The following CNNM4 variants were observed in gnomAD, a reference collection of about 807,000 sequenced individuals.
CNNM4 encodes cyclin and CBS domain divalent metal cation transport mediator 4.
Under a neutral mutation model 53.7 loss-of-function variants are expected in CNNM4, and 32 were observed. The observed-to-expected ratio is 0.60, with a 90% CI of 0.45 to 0.80. The LOEUF (loss-of-function observed/expected upper bound fraction) is 0.80. Ranked by LOEUF, CNNM4 falls within the 30% of genes least tolerant of loss-of-function variation. CNNM4 has a pLI of 0.00. For synonymous variants in CNNM4, 410 were observed against 440.0 expected (o/e 0.93, Z 0.85); for missense variants, 784 against 1,022.0 (o/e 0.77, Z 3.17).
intron 1 of CNNM4, among the ~76,000 whole-genome samples, chr2:96,791,012 C>T (rs1353855048): frequency 1.3e-5 from 2 of 150,436 alleles, no homozygotes; most frequent in Non-Finnish European, 2.9e-5. Flanking sequence ...CCCAGCTACT[C>T]GGGAGGCTGA....
chr2:96,769,191 C>T (rs889721625), intron 1 of CNNM4, among the ~76,000 whole-genome samples: 2 of 151,242 alleles, frequency 1.3e-5, no homozygotes, highest in Admixed American at 1.3e-4. Flanking sequence ...GTGGAGCTTG[C>T]AGTGAGCCGA....
intron 1 of CNNM4, among the ~76,000 whole-genome samples, chr2:96,776,218 C>T (rs962317261): frequency 5.3e-5 from 8 of 151,342 alleles, no homozygotes; most frequent in Non-Finnish European, 1.2e-4. Flanking sequence ...TTAGTAGAGA[C>T]GGGCTTTCAC....
chr2:96,804,444 C>A (rs892801205), intron 5 of CNNM4, among the ~76,000 whole-genome samples: 4 of 151,520 alleles, frequency 2.6e-5, no homozygotes, highest in Admixed American at 2.0e-4. Context: ...CCCTGTCGCC[C>A]AGGCTGGAGT....
intron 1 of CNNM4, among the ~76,000 whole-genome samples, chr2:96,763,084 G>T (rs959930564): frequency 1.3e-5 from 2 of 152,110 alleles, no homozygotes; most frequent in African/African-American, 4.8e-5. Context: ...TCTCTAATTG[G>T]CTCGCTTCTC....
intron 1 of CNNM4, among the ~76,000 whole-genome samples, chr2:96,763,635 A>G (rs1469621212): frequency 6.6e-6 from 1 of 152,060 alleles, no homozygotes; most frequent in Non-Finnish European, 1.5e-5. Flanking sequence ...TGTAACGGAG[A>G]GTGGAGGACA....
At chr2:96,765,454 A>G (rs2078807904) in intron 1 of CNNM4, among the ~76,000 whole-genome samples, 1 of 152,032 alleles carries the variant, frequency 6.6e-6, no homozygotes, top group Non-Finnish European at 1.5e-5. Flanking sequence ...ACAGCACCAG[A>G]GTCAGAGCTG....
At chr2:96,786,343 G>A (rs1011963381) in intron 1 of CNNM4, among the ~76,000 whole-genome samples, 16 of 151,744 alleles carry the variant, frequency 1.1e-4, no homozygotes, top group African/African-American at 3.9e-4. Context: ...GAACCTGGGA[G>A]GCAGAGGCTG....
chr2:96,796,074 G>C (rs1427694583), intron 1 of CNNM4, among the ~76,000 whole-genome samples: 2 of 146,880 alleles, frequency 1.4e-5, no homozygotes, highest in African/African-American at 5.0e-5. Context: ...TGTCAGTTTG[G>C]GTCTTTCCCC....
intron 1 of CNNM4, among the ~76,000 whole-genome samples, chr2:96,780,311 C>G (rs762762014): frequency 2.6e-4 from 39 of 151,958 alleles, no homozygotes; most frequent in Non-Finnish European, 7.4e-5. Context: ...TCCACCCCAG[C>G]TGGGGTGTAC....
At chr2:96,785,000 C>G (rs543482857) in intron 1 of CNNM4, among the ~76,000 whole-genome samples, 123 of 152,188 alleles carry the variant, frequency 8.1e-4, no homozygotes, top group Admixed American at 1.6e-3. Flanking sequence ...GCCTCAGCCT[C>G]CTGAGCAGCT....
chr2:96,806,081 A>G (rs1013839304), intron 5 of CNNM4, among the ~76,000 whole-genome samples: 2 of 127,738 alleles, frequency 1.6e-5, no homozygotes, highest in African/African-American at 6.3e-5. Flanking sequence ...AGGGGGGCTG[A>G]CCCCCCCCAA....
In CNNM4 at chr2:96,801,503, C is replaced by CAG. The variant is rs745352105; in HGVS notation, c.1948+1863_1948+1864dup. ...ACCACACACACACAGAGACCACACA[C>CAG]AGAGAGAGACCACACACAGAGATAG... is the stretch of plus-strand genomic sequence containing the variant. On this transcript the variant is annotated intron_variant, in intron 5 of 6. Coordinates refer to ENST00000377075, the MANE Select transcript of CNNM4 (RefSeq NM_020184.4). The surrounding 1 kb of genome is among the most constrained non-coding windows in gnomAD (Gnocchi z 5.6). Among the ~76,000 whole-genome samples the CAG allele has an allele frequency of 1.3e-5, 2 of 151,050 alleles. No individual in the cohort carries two copies. The highest frequency in any genetic ancestry group is 1.5e-5 in the Non-Finnish European group (1 of 67,728).
intron 1 of CNNM4, among the ~76,000 whole-genome samples, chr2:96,789,124 A>T (rs2079039023): frequency 6.6e-6 from 1 of 152,116 alleles, no homozygotes; most frequent in Non-Finnish European, 1.5e-5. Flanking sequence ...TTGGGGTAGC[A>T]TGGCGAGGAG....
At chr2:96,769,029 A>C (rs544760486) in intron 1 of CNNM4, among the ~76,000 whole-genome samples, 1 of 152,286 alleles carries the variant, frequency 6.6e-6, no homozygotes, top group African/African-American at 2.4e-5. Flanking sequence ...AGGCGGGCGG[A>C]TCATGAGGTC....
chr2:96,797,195 G>T lies in CNNM4; in HGVS notation c.1546+40G>T. 6.2e-7 allele frequency: 1 copy of T among 1,613,204 alleles called. No individual in the cohort carries two copies. On this transcript the variant is annotated intron_variant, in intron 2 of 6. Coordinates refer to ENST00000377075, the MANE Select transcript of CNNM4 (RefSeq NM_020184.4). The surrounding 1 kb of genome is among the most constrained non-coding windows in gnomAD (Gnocchi z 6.0). ...CCACAGGGCCCAGGACCCCTTTCCTGCTTGGATCGAAACTTGGTGTCCCTA... is the reference window on the plus strand; with the variant it reads ...CCACAGGGCCCAGGACCCCTTTCCTTCTTGGATCGAAACTTGGTGTCCCTA...
intron 1 of CNNM4, among the ~76,000 whole-genome samples, chr2:96,786,332 T>C (rs1254016426): frequency 6.6e-6 from 1 of 150,882 alleles, no homozygotes; most frequent in Non-Finnish European, 1.5e-5. Context: ...GAGAATTGCT[T>C]GAACCTGGGA....
In CNNM4 at chr2:96,776,995, C is replaced by A. The variant is rs574869585; in HGVS notation, c.1402+14594C>A. ...TATGCTTATTGTCCATTTGACTATT[C>A]TTTTTATTTGTGTCTTAACTGTTTT... On this transcript the variant is annotated intron_variant, in intron 1 of 6. Transcript: ENST00000377075. Among the ~76,000 whole-genome samples the A allele has an allele frequency of 2.6e-5, 4 of 151,940 alleles. No homozygotes were observed. In the South Asian group the frequency reaches 6.3e-4, roughly 24 times the overall value.
chr2:96,799,166 C>T lies in CNNM4; in HGVS notation c.1791C>T (p.Tyr597=), dbSNP rs754222769. ...ELKFDEHNKY[Y]ARHYLYTRNK... ...AGTTTGACGAGCACAATAAGTACTA[C>T]GCCCGCCATTACCTGTACACCCGAA... is the stretch of plus-strand genomic sequence containing the variant. Residue 597 remains tyrosine (Y), a synonymous_variant, in exon 4 of 7, where the codon TAC becomes TAT. Coordinates refer to ENST00000377075, the MANE Select transcript of CNNM4 (RefSeq NM_020184.4). 35 of 1,613,896 alleles carry T rather than the reference C, an allele frequency of 2.2e-5. 1 individual carries two copies. Among genetic ancestry groups the T allele is most frequent in the South Asian group, 1.8e-4 (16 of 91,084 alleles).
intron 3 of CNNM4, 96 bp from the exon 4 acceptor site, chr2:96,798,961 C>T (rs148094788): frequency 8.0e-6 from 10 of 1,252,078 alleles, no homozygotes; most frequent in South Asian, 1.2e-5. Context: ...CTGAGCACAG[C>T]GTGGCTGCTG....
Sources: gnomAD v4.1 joint callset for allele counts (sites outside exome capture counted in the v4.1 genomes callset) on GRCh38, gnomAD v4.1.1 for gene constraint, Gnocchi (gnomAD v3.1) non-coding constraint, MANE v1.5 for transcripts, NCBI Gene and HGNC (gene_info 2026-07-23, HGNC 2026-07-21) for gene names.